AMACR: variants seen among roughly 807,000 people sequenced by gnomAD.
AMACR encodes 2-methylacyl-CoA racemase.
A neutral mutation model predicts 22.2 loss-of-function variants in AMACR; 18 were observed. The observed-to-expected ratio is 0.81, with a 90% CI of 0.56 to 1.20. The LOEUF is 1.20. AMACR is among the 50% of genes most tolerant of loss of function. The pLI is 0.00. For synonymous variants in AMACR, 213 were observed against 191.3 expected, an observed-to-expected ratio of 1.11 and a Z score of -0.94; for missense variants, 499 against 490.6, an observed-to-expected ratio of 1.02 and a Z score of -0.16.
At chr5:33,993,335 CTT>C (rs60435993) in intron 4 of AMACR, among the ~76,000 whole-genome samples, 2,807 of 152,262 alleles carry the variant, frequency 0.018, 93 homozygotes, top group African/African-American at 0.065. Context: ...TTGATGGACA[CTT>C]GAGTTGCTTC....
chr5:33,998,975 T>G, intron 3 of AMACR, 148 bp from the exon 4 acceptor site: 1 of 709,242 alleles, frequency 1.4e-6, no homozygotes, highest in East Asian at 2.7e-5. Flanking sequence ...ACTTCTCTGG[T>G]ATTTCCAGAA....
intron 4 of AMACR, among the ~76,000 whole-genome samples, chr5:33,991,828 C>T (rs1307379571): frequency 6.6e-6 from 1 of 151,234 alleles, no homozygotes; most frequent in East Asian, 2.0e-4. Context: ...CCAAGCTCTG[C>T]CTCCCAGGTT....
intron 4 of AMACR, among the ~76,000 whole-genome samples, chr5:33,994,566 G>A (rs1264034933): frequency 6.6e-6 from 1 of 152,148 alleles, no homozygotes; most frequent in Non-Finnish European, 1.5e-5. Context: ...TACTATTTTT[G>A]TAAATAAATA....
At position 33,988,225 on chromosome 5, in the gene AMACR, G is replaced by A. The variant is rs1753356342; in HGVS notation, c.*868C>T. Reference sequence around the variant, plus strand: ...ATGTAAAGACAATCCCGTCTTCTTTGTCAAAGACAGGTATAAGAAAGGCTT... The same window carrying A: ...ATGTAAAGACAATCCCGTCTTCTTTATCAAAGACAGGTATAAGAAAGGCTT... On this transcript the variant is annotated 3_prime_UTR_variant, in exon 5 of 5. Coordinates refer to ENST00000335606, the MANE Select transcript of AMACR (RefSeq NM_014324.6). The A allele has an allele frequency of 1.0e-5, 13 of 1,253,022 alleles. No homozygotes were observed. Among genetic ancestry groups the A allele is most frequent in the Non-Finnish European group, 1.4e-5 (13 of 903,132 alleles). 77.6% of individuals were successfully genotyped at this position (1,253,022 alleles called of 1,614,324 possible).
intron 3 of AMACR, among the ~76,000 whole-genome samples, chr5:34,002,398 C>T (rs899250544): frequency 2.0e-5 from 3 of 152,244 alleles, no homozygotes; most frequent in African/African-American, 4.8e-5. Context: ...AATTGCATCT[C>T]TTCAGTAAAT....
chr5:33,989,641 A>C (rs566825595), intron 4 of AMACR, 139 bp from the exon 5 acceptor site: 1 of 741,390 alleles, frequency 1.3e-6, no homozygotes, highest in Non-Finnish European at 2.2e-6. Context: ...AGAGAAAAAA[A>C]TGTAAAATCA....
chr5:33,991,198 A>G (rs1753462552), intron 4 of AMACR, among the ~76,000 whole-genome samples: 1 of 152,208 alleles, frequency 6.6e-6, no homozygotes, highest in Admixed American at 6.5e-5. Flanking sequence ...GAAAAATACT[A>G]GAAATCAAAA....
intron 4 of AMACR, among the ~76,000 whole-genome samples, chr5:33,992,605 G>C (rs1753516583): frequency 1.3e-5 from 2 of 152,014 alleles, no homozygotes; most frequent in Admixed American, 6.5e-5. Context: ...AGCTACACGA[G>C]AGGCTGAAGC....
At position 34,004,593 on chromosome 5, in the gene AMACR, T is replaced by C; in HGVS notation, c.533A>G (p.Gln178Arg). The C allele has an allele frequency of 6.2e-7, 1 of 1,614,156 alleles. No homozygotes were observed. The highest frequency in any genetic ancestry group is 8.5e-7 in the Non-Finnish European group (1 of 1,180,012). Reference sequence around the variant, plus strand: ...ACTTACCATATTTGCATCAATGACCTGACCCTTGCCAGTGCGTGTGCGGTC... The same window carrying C: ...ACTTACCATATTTGCATCAATGACCCGACCCTTGCCAGTGCGTGTGCGGTC... ...LFDRTRTGKG[Q>R]VIDANMVEGT... Residue 178 changes from glutamine to arginine, a missense_variant, in exon 3 of 5, where the codon CAG becomes CGG. By Grantham distance (43) the Gln-to-Arg change is conservative. Coordinates refer to ENST00000335606, the MANE Select transcript of AMACR (RefSeq NM_014324.6).
chr5:34,005,296 T>C (rs67658220), intron 2 of AMACR, among the ~76,000 whole-genome samples: 20,603 of 140,750 alleles, frequency 0.15, 1,917 homozygotes, highest in Non-Finnish European at 0.23. Flanking sequence ...TATTAGGACC[T>C]GAAAACCATG....
In AMACR at chr5:34,007,920, C is replaced by A. The variant is rs377618695; in HGVS notation, c.100G>T (p.Val34Leu). 6.2e-7 allele frequency: 1 copy of A among 1,608,742 alleles called. No individual in the cohort carries two copies. The highest frequency in any genetic ancestry group is 1.1e-5 in the South Asian group (1 of 90,922). ...LADFGARVVRVDRPGSRYDVS... is the reference protein window; with the variant it reads ...LADFGARVVRLDRPGSRYDVS... ...TCGTAGCGGGAGCCGGGCCGGTCCA[C>A]GCGTACCACACGCGCCCCGAAGTCA... The change falls in exon 1 of 5, where the codon GTG becomes TTG. Residue 34 changes from valine (V) to leucine (L), a missense_variant. Val to Leu is a conservative substitution (Grantham distance 32). Coordinates refer to ENST00000335606, the MANE Select transcript of AMACR (RefSeq NM_014324.6).
intron 4 of AMACR, among the ~76,000 whole-genome samples, chr5:33,993,500 G>A (rs1205752828): frequency 6.6e-6 from 1 of 152,186 alleles, no homozygotes; most frequent in East Asian, 1.9e-4. Context: ...AATGCACGCT[G>A]TTTTTGACAG....
chr5:34,000,214 C>T (rs1283778560), intron 3 of AMACR, among the ~76,000 whole-genome samples: 1 of 152,220 alleles, frequency 6.6e-6, no homozygotes, highest in Non-Finnish European at 1.5e-5. Context: ...TTAGCACCTT[C>T]AATAAGCAAG....
intron 3 of AMACR, among the ~76,000 whole-genome samples, 196 bp from the exon 4 acceptor site, chr5:33,999,023 C>G (rs908520573): frequency 2.0e-5 from 3 of 152,168 alleles, no homozygotes; most frequent in African/African-American, 7.2e-5. Flanking sequence ...TAACAATTGG[C>G]TGCACTATTC....
chr5:33,987,643 T>C lies in AMACR; in HGVS notation c.*1450A>G, dbSNP rs1753334708. ...CCAGGCCATCTGATAAAAAATCAAG[T>C]ACTATATGGACACCAACATGGAGCA... On this transcript the variant is annotated 3_prime_UTR_variant, in exon 5 of 5. Transcript: ENST00000335606. 2 of 152,216 alleles carry C rather than the reference T, an allele frequency of 1.3e-5. No individual in the cohort carries two copies. Among genetic ancestry groups the C allele is most frequent in the African/African-American group, 2.4e-5 (1 of 41,452 alleles). 9.4% of individuals were successfully genotyped at this position (152,216 alleles called of 1,614,324 possible).
chr5:33,993,275 A>G (rs780854423), intron 4 of AMACR, among the ~76,000 whole-genome samples: 14 of 152,212 alleles, frequency 9.2e-5, no homozygotes, highest in South Asian at 2.1e-4. Context: ...TTCAGGCTGA[A>G]TCACATTCCA....
chr5:33,997,489 G>C (rs1177858042), intron 4 of AMACR: 1 of 779,944 alleles, frequency 1.3e-6, no homozygotes, highest in Non-Finnish European at 2.4e-6. Context: ...GCTTCCTGTT[G>C]TATTTTCAGC....
In AMACR at chr5:33,989,342, A is replaced by G; in HGVS notation, c.900T>C (p.Phe300=). 1 of 1,614,160 alleles carries G rather than the reference A, an allele frequency of 6.2e-7. No homozygotes were observed. The highest frequency in any genetic ancestry group is 8.5e-7 in the Non-Finnish European group (1 of 1,180,034). The change falls in exon 5 of 5, where the codon TTT becomes TTC. Residue 300 remains phenylalanine, a synonymous_variant. Coordinates refer to ENST00000335606, the MANE Select transcript of AMACR (RefSeq NM_014324.6). ...TGTGATCATGATGAACAACCTCCTC[A>G]AAAGTCAGAACCGGAGTCACACAGG... The part of the protein sequence containing the change: ...TDACVTPVLT[F]EEVVHHDHNK...
intron 1 of AMACR, among the ~76,000 whole-genome samples, chr5:34,007,176 G>A (rs1754006018): frequency 6.6e-6 from 1 of 152,222 alleles, no homozygotes; most frequent in South Asian, 2.1e-4. Flanking sequence ...GCTGCCTGGC[G>A]GGCAGCCTTG....
Sources: gnomAD v4.1 joint callset for allele counts (sites outside exome capture counted in the v4.1 genomes callset) on GRCh38, gnomAD v4.1.1 for gene constraint, MANE v1.5 for transcripts, NCBI Gene and HGNC (gene_info 2026-07-23, HGNC 2026-07-21) for gene names.